CDK8: variants seen among roughly 807,000 people sequenced by gnomAD.
CDK8 encodes cyclin-dependent kinase 8.
In CDK8, 29 loss-of-function variants were observed where a neutral mutation model predicts 71.5. The ratio of observed to expected loss-of-function variants is 0.41; its 90% CI spans 0.30 to 0.55. The LOEUF (loss-of-function observed/expected upper bound fraction) is 0.55. Ranked by LOEUF, CDK8 falls within the 20% of genes least tolerant of loss-of-function variation. CDK8 has a pLI of 0.37. For synonymous variants in CDK8, 161 were observed against 192.1 expected (o/e 0.84, Z 1.34); for missense variants, 288 against 572.6 (o/e 0.50, Z 5.07).
intron 1 of CDK8, among the ~76,000 whole-genome samples, chr13:26,320,108 A>G (rs1295140943): frequency 6.6e-6 from 1 of 152,104 alleles, no homozygotes; most frequent in African/African-American, 2.4e-5. Context: ...ACCTAAGACA[A>G]TAAAACTCTA....
In CDK8 at chr13:26,385,331, C is replaced by T; in HGVS notation, c.635C>T (p.Thr212Ile). ...CTACTTCTTGGAGCAAGGCATTATACCAAAGCTATTGGTGAGTAGAACTAA... is the reference window on the plus strand; with the variant it reads ...CTACTTCTTGGAGCAAGGCATTATATCAAAGCTATTGGTGAGTAGAACTAA... Reference protein sequence around the residue: ...PELLLGARHYTKAIDIWAIGC... With the variant: ...PELLLGARHYIKAIDIWAIGC... The change falls in exon 6 of 13, where the codon ACC (threonine) becomes ATC (isoleucine). Residue 212 changes from threonine (T) to isoleucine (I), a missense_variant. By Grantham distance (89) the Thr-to-Ile change is moderately conservative. This residue lies in a region of CDK8 where 96 missense variants were observed against 229.8 expected (regional missense o/e 0.42). Transcript: ENST00000381527. The T allele has an allele frequency of 6.2e-7, 1 of 1,607,052 alleles. No homozygotes were observed. Among genetic ancestry groups the T allele is most frequent in the Non-Finnish European group, 8.5e-7 (1 of 1,178,020 alleles).
chr13:26,336,812 C>A (rs914345376), intron 1 of CDK8, among the ~76,000 whole-genome samples: 11 of 152,030 alleles, frequency 7.2e-5, no homozygotes, highest in Admixed American at 7.2e-4. Flanking sequence ...CCTTGGCCTC[C>A]CAAAGTGCTG....
chr13:26,266,162 A>G (rs560637029), intron 1 of CDK8, among the ~76,000 whole-genome samples: 2 of 152,324 alleles, frequency 1.3e-5, no homozygotes, highest in African/African-American at 4.8e-5. Context: ...GTGGAAGATG[A>G]TGATTGAGCT....
At chr13:26,290,261 C>T (rs1284123391) in intron 1 of CDK8, among the ~76,000 whole-genome samples, 1 of 152,126 alleles carries the variant, frequency 6.6e-6, no homozygotes, top group Admixed American at 6.5e-5. Context: ...GAAAATCATG[C>T]TAATTCACTT....
At chr13:26,288,529 C>T (rs1222237677) in intron 1 of CDK8, among the ~76,000 whole-genome samples, 1 of 151,342 alleles carries the variant, frequency 6.6e-6, no homozygotes, top group Admixed American at 6.6e-5. Context: ...TAAAATCACC[C>T]TAGTCATTTA....
chr13:26,304,592 T>G (rs1482058872), intron 1 of CDK8, among the ~76,000 whole-genome samples: 1 of 152,024 alleles, frequency 6.6e-6, no homozygotes, highest in Non-Finnish European at 1.5e-5. Flanking sequence ...TCAACTCCAT[T>G]TACTCCCCCA....
intron 3 of CDK8, 52 bp from the exon 4 acceptor site, chr13:26,353,688 A>G: frequency 7.1e-7 from 1 of 1,400,794 alleles, no homozygotes; most frequent in Non-Finnish European, 9.8e-7. Flanking sequence ...TATACATCAA[A>G]TTATCTTTTC....
intron 1 of CDK8, among the ~76,000 whole-genome samples, chr13:26,272,975 T>A (rs1053161464): frequency 6.6e-6 from 1 of 152,220 alleles, no homozygotes; most frequent in Admixed American, 6.5e-5. Context: ...TTAATTTTGG[T>A]GTAGTCCAGT....
chr13:26,369,547 T>TTG (rs1414729191), intron 4 of CDK8, among the ~76,000 whole-genome samples: 1 of 142,006 alleles, frequency 7.0e-6, no homozygotes, highest in African/African-American at 2.6e-5. Flanking sequence ...TTTTTTTTTT[T>TTG]TGAGACAGTC....
chr13:26,352,114 T>A (rs1873704356), intron 3 of CDK8, among the ~76,000 whole-genome samples: 1 of 147,004 alleles, frequency 6.8e-6, no homozygotes. Context: ...AGAGTTTTAA[T>A]TTTTTTTTTT....
intron 1 of CDK8, among the ~76,000 whole-genome samples, chr13:26,257,793 C>CA (rs1423831195): frequency 6.6e-6 from 1 of 151,472 alleles, no homozygotes; most frequent in East Asian, 1.9e-4. Context: ...GGTTTTTCTT[C>CA]AAAAAAGAAA....
intron 1 of CDK8, among the ~76,000 whole-genome samples, chr13:26,326,214 G>C (rs1875010201): frequency 6.6e-6 from 1 of 152,086 alleles, no homozygotes. Flanking sequence ...TAATTGCCCA[G>C]GAACTAGAGT....
chr13:26,360,932 A>G (rs1038668283), intron 4 of CDK8, among the ~76,000 whole-genome samples: 1 of 150,220 alleles, frequency 6.7e-6, no homozygotes, highest in Non-Finnish European at 1.5e-5. Context: ...ACTACTCAGA[A>G]GAACTCAGCT....
chr13:26,399,888 A>G (rs1172279377), intron 9 of CDK8, among the ~76,000 whole-genome samples: 1 of 152,240 alleles, frequency 6.6e-6, no homozygotes, highest in Non-Finnish European at 1.5e-5. Context: ...ACAGCTCTGT[A>G]CTTTGTAAGT....
chr13:26,265,456 G>C (rs999224766), intron 1 of CDK8, among the ~76,000 whole-genome samples: 12 of 152,198 alleles, frequency 7.9e-5, no homozygotes, highest in Admixed American at 7.2e-4. Context: ...ATAAGAGTTA[G>C]TGGGGGCTTG....
rs373251499 is a variant in CDK8 at position 26,401,236 on chromosome 13, A to G, written c.1032-33A>G. ...AAGCATTTGGAATATTGATTAGTAT[A>G]CCAGAAATGGTTTTTCTTTTTCTTA... On this transcript the variant is annotated intron_variant, in intron 10 of 12. Coordinates refer to ENST00000381527, the MANE Select transcript of CDK8 (RefSeq NM_001260.3). The surrounding 1 kb of genome is among the most constrained non-coding windows in gnomAD (Gnocchi z 4.5). 4 of 1,506,240 alleles carry G rather than the reference A, an allele frequency of 2.7e-6. No individual in the cohort carries two copies. The highest frequency in any genetic ancestry group is 4.5e-5 in the East Asian group (2 of 44,368). 93.3% of individuals were successfully genotyped at this position (1,506,240 alleles called of 1,614,324 possible).
chr13:26,280,918 A>G (rs941353070), intron 1 of CDK8, among the ~76,000 whole-genome samples: 3 of 152,234 alleles, frequency 2.0e-5, no homozygotes, highest in Non-Finnish European at 4.4e-5. Flanking sequence ...TGTACTAGAA[A>G]AACTGAAAGA....
chr13:26,315,959 T>G (rs1874492957), intron 1 of CDK8, among the ~76,000 whole-genome samples: 1 of 152,168 alleles, frequency 6.6e-6, no homozygotes, highest in African/African-American at 2.4e-5. Flanking sequence ...AGGGGAAGAT[T>G]TGGAAGTAAG....
chr13:26,271,251 C>T (rs889457705), intron 1 of CDK8, among the ~76,000 whole-genome samples: 7 of 152,072 alleles, frequency 4.6e-5, no homozygotes, highest in African/African-American at 1.7e-4. Flanking sequence ...TTGTGTGTTG[C>T]TTAATGACAG....
Sources: allele counts gnomAD v4.1 joint callset (sites outside exome capture counted in the v4.1 genomes callset), GRCh38; gene constraint gnomAD v4.1.1; regional missense constraint gnomAD v4.1.1; non-coding constraint Gnocchi (gnomAD v3.1); transcripts MANE v1.5; gene names NCBI Gene and HGNC (gene_info 2026-07-23, HGNC 2026-07-21).